Variants in TTC39C observed in about 807,000 individuals in gnomAD.
TTC39C encodes the protein tetratricopeptide repeat protein 39C.
A neutral mutation model predicts 76.3 loss-of-function variants in TTC39C; 33 were observed. That is an observed-to-expected ratio of 0.43 (90% CI 0.33 to 0.58). The LOEUF (loss-of-function observed/expected upper bound fraction) is 0.58, where lower values mean the gene tolerates loss of function less well. TTC39C is among the 20% of genes least tolerant of loss of function. TTC39C has a pLI of 0.04. For synonymous variants in TTC39C, 254 were observed against 260.6 expected, an observed-to-expected ratio of 0.97 and a Z score of 0.24; for missense variants, 595 against 701.4, an observed-to-expected ratio of 0.85 and a Z score of 1.71.
chr18:24,031,155 G>A (rs901541460), intron 1 of TTC39C, among the ~76,000 whole-genome samples: 10 of 149,172 alleles, frequency 6.7e-5, no homozygotes, highest in African/African-American at 1.2e-4. Context: ...CTGGGGTTTC[G>A]CCATGTTGGC....
chr18:24,132,058 G>GAATC, intron 13 of TTC39C, 138 bp downstream of exon 13: 1 of 717,268 alleles, frequency 1.4e-6, no homozygotes, highest in Admixed American at 3.4e-5. Context: ...ACAACCAATT[G>GAATC]AATCAGTGAG....
intron 1 of TTC39C, among the ~76,000 whole-genome samples, chr18:24,023,783 ACT>A (rs1392745153): frequency 6.9e-6 from 1 of 144,526 alleles, no homozygotes; most frequent in East Asian, 2.1e-4. Context: ...GTGACTCTCG[ACT>A]CTGTCACACC....
At chr18:24,042,761 A>G (rs1287013262) in intron 1 of TTC39C, among the ~76,000 whole-genome samples, 1 of 152,164 alleles carries the variant, frequency 6.6e-6, no homozygotes, top group Non-Finnish European at 1.5e-5. Context: ...ACAATTTAAG[A>G]TGTAAAAAGA....
In TTC39C at chr18:24,064,144, C is replaced by T. The variant is rs2084136627; in HGVS notation, c.172C>T (p.His58Tyr). The T allele has an allele frequency of 1.2e-6, 2 of 1,613,426 alleles. No individual in the cohort carries two copies. The highest frequency in any genetic ancestry group is 1.7e-6 in the Non-Finnish European group (2 of 1,179,808). ...GTGTGTGTGTTTTTTTAACAGAAATCATAGCCCACTAATGAGTTTTGGAGC... is the reference window on the plus strand; with the variant it reads ...GTGTGTGTGTTTTTTTAACAGAAATTATAGCCCACTAATGAGTTTTGGAGC... Reference protein sequence around the residue: ...SDQLFKQYRNHSPLMSFGASF... With the variant: ...SDQLFKQYRNYSPLMSFGASF... The change falls in exon 2 of 14, where the codon CAT becomes TAT. Residue 58 changes from histidine (H) to tyrosine (Y), a missense_variant. His to Tyr is a moderately conservative substitution (Grantham distance 83, BLOSUM62 2). Coordinates refer to ENST00000317571, the MANE Select transcript of TTC39C (RefSeq NM_001135993.2).
In TTC39C at chr18:24,022,803, C is replaced by T. The variant is rs1186754171; in HGVS notation, c.167+7765C>T. ...TGCTTCCTGTCCTGCTGCCCTTGTC[C>T]CTTCCATGCTAGTTGTGCTGGAATA... is the stretch of plus-strand genomic sequence containing the variant. On this transcript the variant is annotated intron_variant, in intron 1 of 13. Coordinates refer to ENST00000317571, the MANE Select transcript of TTC39C (RefSeq NM_001135993.2). The T allele has an allele frequency of 5.1e-6, 5 of 985,278 alleles. No individual in the cohort carries two copies. In the African/African-American group the frequency reaches 5.2e-5, roughly 10 times the overall value. 61.0% of individuals were successfully genotyped at this position (985,278 alleles called of 1,614,324 possible).
At position 24,014,925 on chromosome 18, in the gene TTC39C, C is replaced by CGCGGCA. The variant is rs1393909792; in HGVS notation, c.60_65dup (p.Ala24_Ala25dup). ...GGCGGCGGGACGACGGAGACTCGGA[C>CGCGGCA]GCGGCAGCGGCGGCGGCGGCGCCCC... is the stretch of plus-strand genomic sequence containing the variant. On this transcript the variant is annotated inframe_insertion, in exon 1 of 14. Coordinates refer to ENST00000317571, the MANE Select transcript of TTC39C (RefSeq NM_001135993.2). 2.0e-6 allele frequency: 3 copies of CGCGGCA among 1,520,386 alleles called. No individual in the cohort carries two copies. The highest frequency in any genetic ancestry group is 2.7e-5 in the East Asian group (1 of 37,568). 94.2% of individuals were successfully genotyped at this position (1,520,386 alleles called of 1,614,324 possible). A position where few individuals can be genotyped will look rare whatever the true frequency, so the allele number is the denominator to read the frequency against.
rs578117803 is a variant in TTC39C at position 23,993,673 on chromosome 18, C to A, written c.-17+635C>A. Among the ~76,000 whole-genome samples, 342 of 152,214 alleles carry A rather than the reference C, an allele frequency of 2.2e-3. 5 individuals carry two copies. Among genetic ancestry groups the A allele is most frequent in the Non-Finnish European group, 1.8e-3 (125 of 68,012 alleles). On this transcript the variant is annotated intron_variant, in intron 1 of 13. Coordinates refer to the TTC39C transcript ENST00000304621. Reference sequence around the variant, plus strand: ...ACCAGCTGTGAGTGAAATGCCAGATCAAAGTTTATTTTTCATAAATATTTA... The same window carrying A: ...ACCAGCTGTGAGTGAAATGCCAGATAAAAGTTTATTTTTCATAAATATTTA...
At chr18:24,013,136 G>A (rs2083406660), upstream of TTC39C, 1 of 152,156 alleles carries the variant, frequency 6.6e-6, no homozygotes, top group African/African-American at 2.4e-5. Context: ...AGAAAACCTA[G>A]ATTTTCTTTT....
chr18:24,105,531 C>T (rs1443938433), intron 6 of TTC39C, among the ~76,000 whole-genome samples: 1 of 152,216 alleles, frequency 6.6e-6, no homozygotes, highest in Non-Finnish European at 1.5e-5. Context: ...TACATGCACA[C>T]ACACACTTGC....
intron 1 of TTC39C, among the ~76,000 whole-genome samples, chr18:24,058,998 A>G (rs558939557): frequency 7.2e-5 from 11 of 152,246 alleles, no homozygotes; most frequent in African/African-American, 2.4e-4. Context: ...GAAGTTTTTA[A>G]TGTATCCTGA....
intron 1 of TTC39C, among the ~76,000 whole-genome samples, chr18:24,031,096 G>A (rs2145675618): frequency 6.6e-6 from 1 of 150,642 alleles, no homozygotes; most frequent in Non-Finnish European, 1.5e-5. Context: ...ACAGGCATAT[G>A]CCACCACAAC....
chr18:24,022,651 C>T (rs897530113), intron 1 of TTC39C: 2 of 985,292 alleles, frequency 2.0e-6, no homozygotes, highest in Middle Eastern at 5.2e-4. Context: ...CCATCAAACC[C>T]CCAGAGAGAT....
intron 8 of TTC39C, among the ~76,000 whole-genome samples, chr18:24,122,747 T>G (rs2084987198): frequency 6.6e-6 from 1 of 151,992 alleles, no homozygotes; most frequent in Non-Finnish European, 1.5e-5. Flanking sequence ...CTTTGGGGCC[T>G]GAGGTGAGAA....
chr18:24,110,119 A>G (rs7231604), intron 6 of TTC39C, among the ~76,000 whole-genome samples: 152,349 of 152,360 alleles, frequency 1, 76,169 homozygotes, highest in Non-Finnish European at 1. Context: ...AGGCAGCCAC[A>G]GTTCAGCCTC....
rs1370747683 is a variant in TTC39C, at chr18:24,074,948, A to G, written c.461-5637A>G. On this transcript the variant is annotated intron_variant, in intron 4 of 13. Coordinates refer to ENST00000317571, the MANE Select transcript of TTC39C (RefSeq NM_001135993.2). Reference sequence around the variant, plus strand: ...TGGATAAAGAAAATGTGGCACATATACACCATGGAATACTATGCAGCCATA... The same window carrying G: ...TGGATAAAGAAAATGTGGCACATATGCACCATGGAATACTATGCAGCCATA... Among the ~76,000 whole-genome samples the G allele has an allele frequency of 3.9e-5, 6 of 152,334 alleles. No individual in the cohort carries two copies. The East Asian group carries it at 9.6e-4, about 24-fold the overall frequency.
chr18:24,027,727 T>C (rs1053494583), intron 1 of TTC39C, among the ~76,000 whole-genome samples: 3 of 151,958 alleles, frequency 2.0e-5, no homozygotes, highest in African/African-American at 7.3e-5. Context: ...ACCCGGCTAA[T>C]TTTTTATTTT....
At chr18:24,044,627 G>T (rs2083840663) in intron 1 of TTC39C, among the ~76,000 whole-genome samples, 1 of 152,160 alleles carries the variant, frequency 6.6e-6, no homozygotes. Flanking sequence ...ACAAAGAAAG[G>T]TCAGGACCGT....
At chr18:24,089,111 T>G (rs1020695852) in intron 6 of TTC39C, among the ~76,000 whole-genome samples, 1 of 152,162 alleles carries the variant, frequency 6.6e-6, no homozygotes, top group Non-Finnish European at 1.5e-5. Context: ...TTTGGTGATT[T>G]ATTTATCAGA....
chr18:24,058,511 C>T (rs889667932), intron 1 of TTC39C, among the ~76,000 whole-genome samples: 22 of 151,764 alleles, frequency 1.4e-4, no homozygotes, highest in Non-Finnish European at 7.4e-5. Flanking sequence ...AAAAATTAGC[C>T]GGGTGTGGTG....
Sources: allele counts gnomAD v4.1 joint callset (sites outside exome capture counted in the v4.1 genomes callset), GRCh38; gene constraint gnomAD v4.1.1; transcripts MANE v1.5; gene names NCBI Gene and HGNC (gene_info 2026-07-23, HGNC 2026-07-21).